The following NLGN1 variants were observed in gnomAD, a reference collection of about 807,000 sequenced individuals.
NLGN1 encodes the protein neuroligin-1.
A neutral mutation model predicts 65.5 loss-of-function variants in NLGN1; 12 were observed. That is an observed-to-expected ratio of 0.18 (90% CI 0.12 to 0.30). NLGN1 has a LOEUF of 0.30. Ranked by LOEUF, NLGN1 falls within the 10% of genes least tolerant of loss-of-function variation. NLGN1 has a pLI of 1.00. For synonymous variants in NLGN1, 350 were observed against 359.5 expected (o/e 0.97, Z 0.30); for missense variants, 750 against 1,007.1 (o/e 0.74, Z 3.46).
At chr3:174,292,765 G>A in the NLGN1 span, among the ~76,000 whole-genome samples, 1 of 151,294 alleles carries the variant, frequency 6.6e-6, no homozygotes, top group East Asian at 1.9e-4. Flanking sequence ...AGTGGATCTA[G>A]GTATTAAGCA....
At chr3:173,462,923 A>G (rs2148894842) in intron 2 of NLGN1, among the ~76,000 whole-genome samples, 1 of 152,240 alleles carries the variant, frequency 6.6e-6, no homozygotes. Flanking sequence ...TTCTCTTCAA[A>G]ATTCAGTCTG....
At chr3:174,106,325 C>T (rs540913542) in intron 4 of NLGN1, among the ~76,000 whole-genome samples, 1 of 151,990 alleles carries the variant, frequency 6.6e-6, no homozygotes, top group Admixed American at 6.6e-5. Context: ...TTATACTTTT[C>T]TATTATGAAC....
At chr3:173,578,307 C>A (rs1021803) in intron 2 of NLGN1, among the ~76,000 whole-genome samples, 2 of 151,268 alleles carry the variant, frequency 1.3e-5, no homozygotes, top group African/African-American at 4.9e-5. Flanking sequence ...AATCATGGAA[C>A]TAAATATTTT....
intron 2 of NLGN1, among the ~76,000 whole-genome samples, chr3:173,547,667 C>G (rs983871792): frequency 2.2e-4 from 33 of 152,072 alleles, no homozygotes; most frequent in African/African-American, 8.0e-4. Flanking sequence ...TATGTGTCAG[C>G]TTTTAGCGAA....
At chr3:174,247,906 G>A (rs1251300862) in intron 4 of NLGN1, among the ~76,000 whole-genome samples, 1 of 152,198 alleles carries the variant, frequency 6.6e-6, no homozygotes, top group East Asian at 1.9e-4. Context: ...GATGTGTGAT[G>A]TATATTAATT....
the NLGN1 span, among the ~76,000 whole-genome samples, chr3:174,292,261 T>C: frequency 0.54 from 80,776 of 150,922 alleles, 22,644 homozygotes; most frequent in East Asian, 0.69. Context: ...AGATTGTGGT[T>C]TTAAAAGAAC....
intron 4 of NLGN1, among the ~76,000 whole-genome samples, chr3:174,135,699 G>A (rs530716047): frequency 8.5e-5 from 13 of 152,188 alleles, no homozygotes; most frequent in South Asian, 8.3e-4. Context: ...TGCTGGAATC[G>A]TCACTGTGGT....
chr3:173,755,625 G>T (rs762843747), intron 3 of NLGN1, among the ~76,000 whole-genome samples: 22 of 152,008 alleles, frequency 1.4e-4, no homozygotes, highest in Non-Finnish European at 2.6e-4. Flanking sequence ...GGCAAGGTTG[G>T]AGTTCATTCC....
intron 4 of NLGN1, among the ~76,000 whole-genome samples, chr3:174,126,359 C>A (rs1410112060): frequency 6.6e-6 from 1 of 152,054 alleles, no homozygotes; most frequent in African/African-American, 2.4e-5. Flanking sequence ...ACTTTGCAAC[C>A]TGACAGACCT....
At chr3:173,579,844 G>T (rs1264279538) in intron 2 of NLGN1, among the ~76,000 whole-genome samples, 11 of 152,026 alleles carry the variant, frequency 7.2e-5, no homozygotes, top group Admixed American at 7.2e-4. Context: ...GTTACATCAG[G>T]GGAGTTCTGA....
intron 3 of NLGN1, among the ~76,000 whole-genome samples, chr3:173,805,037 A>T (rs944160307): frequency 6.6e-6 from 1 of 152,166 alleles, no homozygotes; most frequent in African/African-American, 2.4e-5. Flanking sequence ...AAAAATAAAA[A>T]TTAAATTAAA....
intron 3 of NLGN1, among the ~76,000 whole-genome samples, chr3:173,806,928 G>A (rs1291895599): frequency 6.6e-6 from 1 of 152,132 alleles, no homozygotes; most frequent in Non-Finnish European, 1.5e-5. Context: ...GCGTGAAGAA[G>A]AAGAGTATAT....
chr3:174,192,746 AAT>A lies in NLGN1; in HGVS notation c.647-82567_647-82566del, dbSNP rs1217902148. Among the ~76,000 whole-genome samples the A allele has an allele frequency of 2.6e-5, 4 of 152,138 alleles. No individual in the cohort carries two copies. The East Asian group carries it at 7.7e-4, about 29-fold the overall frequency. ...CTTCTCACAAAGAGCTCAATTAATA[AAT>A]AGTTTTATTTGCCTATGAAAAGCAT... On this transcript the variant is annotated intron_variant, in intron 4 of 6. Coordinates refer to ENST00000457714, the Ensembl canonical transcript of NLGN1.
At chr3:174,248,031 A>G (rs1345428821) in intron 4 of NLGN1, among the ~76,000 whole-genome samples, 1 of 152,222 alleles carries the variant, frequency 6.6e-6, no homozygotes, top group Non-Finnish European at 1.5e-5. Context: ...AGCAATTGAC[A>G]TGGATCACTG....
chr3:174,273,022 T>C (rs1448522748), intron 4 of NLGN1, among the ~76,000 whole-genome samples: 7 of 150,740 alleles, frequency 4.6e-5, no homozygotes, highest in African/African-American at 1.7e-4. Context: ...TTTACAGCAC[T>C]GTTGTTATAT....
intron 2 of NLGN1, among the ~76,000 whole-genome samples, chr3:173,589,298 T>C (rs1035466482): frequency 2.0e-5 from 3 of 152,178 alleles, no homozygotes; most frequent in Non-Finnish European, 2.9e-5. Flanking sequence ...CACAGTAGCT[T>C]TTTCTTTTTC....
At chr3:174,178,281 T>C (rs1471718718) in intron 4 of NLGN1, among the ~76,000 whole-genome samples, 2 of 152,140 alleles carry the variant, frequency 1.3e-5, no homozygotes, top group African/African-American at 4.8e-5. Context: ...CCCAATACAG[T>C]GTGTGTAGTC....
chr3:174,127,054 T>A (rs936918257), intron 4 of NLGN1, among the ~76,000 whole-genome samples: 5 of 151,692 alleles, frequency 3.3e-5, no homozygotes, highest in African/African-American at 9.7e-5. Flanking sequence ...ATGGGGATAA[T>A]ATGATTTTAT....
intron 4 of NLGN1, among the ~76,000 whole-genome samples, chr3:173,817,173 C>T (rs190515140): frequency 5.3e-5 from 8 of 152,138 alleles, no homozygotes; most frequent in East Asian, 3.9e-4. Flanking sequence ...AGGAAGGAAA[C>T]GGTTTTGCAT....
Sources: gnomAD v4.1 joint callset for allele counts (sites outside exome capture counted in the v4.1 genomes callset) on GRCh38, gnomAD v4.1.1 for gene constraint, MANE v1.5 for transcripts, NCBI Gene and HGNC (gene_info 2026-07-23, HGNC 2026-07-21) for gene names.